The following SLC38A4 variants were observed in gnomAD, a reference collection of about 807,000 sequenced individuals.
SLC38A4 encodes the protein sodium-coupled neutral amino acid transporter 4.
In SLC38A4, 20 loss-of-function variants were observed where a neutral mutation model predicts 63.1. The observed-to-expected ratio is 0.32, with a 90% CI of 0.22 to 0.46. The LOEUF (loss-of-function observed/expected upper bound fraction) is 0.46. Among genes scored for constraint, SLC38A4 ranks in the 20% least tolerant of loss-of-function variants. The pLI is 1.00. For missense variants in SLC38A4, 526 were observed against 663.6 expected, an observed-to-expected ratio of 0.79 and a Z score of 2.28; for synonymous variants, 230 against 225.5, an observed-to-expected ratio of 1.02 and a Z score of -0.18.
chr12:46,813,073 GTC>G (rs1171402844), intron 1 of SLC38A4, among the ~76,000 whole-genome samples: 9 of 151,836 alleles, frequency 5.9e-5, no homozygotes, highest in Admixed American at 2.0e-4. Flanking sequence ...TGACATCAGT[GTC>G]TCTATGTCTT....
Position 46,784,528 on chromosome 12 carries a change from G to T in SLC38A4, c.493+14C>A. On this transcript the variant is annotated intron_variant, in intron 7 of 16. Coordinates refer to ENST00000266579, the MANE Select transcript of SLC38A4 (RefSeq NM_018018.5). ...GAAAGTTTATGGGATCCATTGAAAA[G>T]TATATCCCCTTACCTCCAATGTTCT... 5.0e-6 allele frequency: 8 copies of T among 1,601,898 alleles called. No individual in the cohort carries two copies. Among genetic ancestry groups the T allele is most frequent in the Non-Finnish European group, 6.8e-6 (8 of 1,171,718 alleles).
At position 46,778,610 on chromosome 12, in the gene SLC38A4, G is replaced by A. The variant is rs373632992; in HGVS notation, c.884C>T (p.Ala295Val). Residue 295 changes from alanine (A) to valine (V), a missense_variant, in exon 11 of 17, where the codon GCA (alanine) becomes GTA (valine). Coordinates refer to ENST00000266579, the MANE Select transcript of SLC38A4 (RefSeq NM_018018.5). ...CTTGGCCTGGTTCTCATCCAGCCCT[G>A]CAGGATTGCGGTGGGTGTAATCCAT... ...FMMDYTHRNPAGLDENQAKGS... is the reference protein window; with the variant it reads ...FMMDYTHRNPVGLDENQAKGS... 4.3e-6 allele frequency: 7 copies of A among 1,613,104 alleles called. No homozygotes were observed. Among genetic ancestry groups the A allele is most frequent in the Admixed American group, 1.7e-5 (1 of 59,862 alleles).
chr12:46,823,217 G>T (rs990151896), intron 1 of SLC38A4, among the ~76,000 whole-genome samples: 11 of 152,066 alleles, frequency 7.2e-5, no homozygotes, highest in Admixed American at 6.5e-4. Flanking sequence ...AATTCAGTGG[G>T]TCTTTTGTTT....
At chr12:46,784,235 A>G (rs559198456) in intron 7 of SLC38A4, among the ~76,000 whole-genome samples, 1 of 152,226 alleles carries the variant, frequency 6.6e-6, no homozygotes, top group African/African-American at 2.4e-5. Flanking sequence ...TATAAGCACA[A>G]ATTCTTCAAT....
At chr12:46,768,181 G>C in intron 16 of SLC38A4, 129 bp downstream of exon 16, 1 of 612,366 alleles carries the variant, frequency 1.6e-6, no homozygotes, top group Non-Finnish European at 2.8e-6. Flanking sequence ...CTACCAGAAA[G>C]TTCTAGCCCA....
chr12:46,793,081 C>A lies in SLC38A4; in HGVS notation c.-10G>T. On this transcript the variant is annotated 5_prime_UTR_variant, in exon 3 of 17. Coordinates refer to ENST00000266579, the MANE Select transcript of SLC38A4 (RefSeq NM_018018.5). Reference sequence around the variant, plus strand: ...GTTCCATGGGATCCATTTGAGCTGTCAGCGCTTTCTTGTCCACACACAAGC... The same window carrying A: ...GTTCCATGGGATCCATTTGAGCTGTAAGCGCTTTCTTGTCCACACACAAGC... 1 of 1,602,168 alleles carries A rather than the reference C, an allele frequency of 6.2e-7. No homozygotes were observed. Among genetic ancestry groups the A allele is most frequent in the South Asian group, 1.1e-5 (1 of 90,850 alleles).
At chr12:46,821,054 T>G (rs943370025) in intron 1 of SLC38A4, among the ~76,000 whole-genome samples, 9 of 152,066 alleles carry the variant, frequency 5.9e-5, no homozygotes, top group African/African-American at 2.2e-4. Flanking sequence ...TTATATATTT[T>G]GGATATTAAT....
chr12:46,776,262 C>G (rs1938522842), intron 13 of SLC38A4, among the ~76,000 whole-genome samples: 1 of 152,010 alleles, frequency 6.6e-6, no homozygotes, highest in Admixed American at 6.6e-5. Context: ...GGAGTACAAT[C>G]CTACTCCCTT....
In SLC38A4 at chr12:46,793,047, C is replaced by T. The variant is rs767861741; in HGVS notation, c.25G>A (p.Val9Ile). Reference sequence around the variant, plus strand: ...CTCTCATCATCTGGTTCGATGTTGACATTTCTCAGTTCCATGGGATCCATT... The same window carrying T: ...CTCTCATCATCTGGTTCGATGTTGATATTTCTCAGTTCCATGGGATCCATT... MDPMELRN[V>I]NIEPDDESSS... The change falls in exon 3 of 17, where the codon GTC (valine) becomes ATC (isoleucine). Residue 9 changes from valine to isoleucine, a missense_variant. Coordinates refer to ENST00000266579, the MANE Select transcript of SLC38A4 (RefSeq NM_018018.5). The T allele has an allele frequency of 8.1e-6, 13 of 1,612,910 alleles. No homozygotes were observed. In the South Asian group the frequency reaches 9.9e-5, roughly 12 times the overall value.
rs145158917 is a variant in SLC38A4 at position 46,766,599 on chromosome 12, G to C, written c.*102C>G. 5 of 870,276 alleles carry C rather than the reference G, an allele frequency of 5.7e-6. No individual in the cohort carries two copies. Among genetic ancestry groups the C allele is most frequent in the African/African-American group, 5.0e-5 (3 of 59,972 alleles). The allele number at this position is 870,276 out of a possible 1,614,324, so 53.9% of individuals were successfully genotyped here. On this transcript the variant is annotated 3_prime_UTR_variant, in exon 17 of 17. Coordinates refer to ENST00000266579, the MANE Select transcript of SLC38A4 (RefSeq NM_018018.5). ...TGGTAAACGTCTTTGGAATCTTCCT[G>C]TTATTTCCTATGAATAACATTCCAA...
upstream of SLC38A4, among the ~76,000 whole-genome samples, chr12:46,827,290 A>C (rs1385076017): frequency 6.6e-6 from 1 of 152,172 alleles, no homozygotes; most frequent in Non-Finnish European, 1.5e-5. Context: ...TCGTATGGAC[A>C]TTTGCTAACA....
At chr12:46,813,836 G>A (rs918391584) in intron 1 of SLC38A4, among the ~76,000 whole-genome samples, 1 of 152,038 alleles carries the variant, frequency 6.6e-6, no homozygotes, top group Middle Eastern at 3.2e-3. Context: ...GTGCTGTTAT[G>A]AGGATTAAGT....
intron 7 of SLC38A4, among the ~76,000 whole-genome samples, chr12:46,783,260 G>C (rs557083933): frequency 6.6e-6 from 1 of 150,462 alleles, no homozygotes; most frequent in Non-Finnish European, 1.5e-5. Context: ...TAGATAGATA[G>C]ATAGATAGAT....
At chr12:46,786,822 G>A (rs1938771451) in intron 5 of SLC38A4, among the ~76,000 whole-genome samples, 1 of 152,152 alleles carries the variant, frequency 6.6e-6, no homozygotes, top group Admixed American at 6.6e-5. Flanking sequence ...TCAAATAGCT[G>A]TGTGATTACT....
At chr12:46,802,678 C>T (rs2429471) in intron 2 of SLC38A4, among the ~76,000 whole-genome samples, 142,065 of 151,992 alleles carry the variant, frequency 0.93, 66,731 homozygotes, top group African/African-American at 0.97. Context: ...ATTAAAAACA[C>T]ACCCAAATTT....
chr12:46,822,225 C>A (rs1939564414), intron 1 of SLC38A4, among the ~76,000 whole-genome samples: 2 of 152,034 alleles, frequency 1.3e-5, no homozygotes, highest in Admixed American at 6.6e-5. Flanking sequence ...AATCACTTAA[C>A]AAAGGGTAAT....
intron 1 of SLC38A4, among the ~76,000 whole-genome samples, chr12:46,819,651 A>AAGATGTGAG (rs1939503449): frequency 6.6e-6 from 1 of 151,854 alleles, no homozygotes; most frequent in Non-Finnish European, 1.5e-5. Context: ...CAGAGGAGAA[A>AAGATGTGAG]AGATGTGAGT....
rs957978298 is a variant in SLC38A4, at chr12:46,765,537, A to G, written c.*1164T>C. The G allele has an allele frequency of 1.1e-5, 3 of 261,366 alleles. No homozygotes were observed. The highest frequency in any genetic ancestry group is 1.5e-4 in the East Asian group (1 of 6,478). The allele number at this position is 261,366 out of a possible 1,614,324, so 16.2% of individuals were successfully genotyped here. A position where few individuals can be genotyped will look rare whatever the true frequency, so the allele number is the denominator to read the frequency against. On this transcript the variant is annotated 3_prime_UTR_variant, in exon 17 of 17. Transcript: ENST00000266579. ...TATTGAAGAAGAGCATTGCCAAACT[A>G]TATATAACTTAGGTTTCAAATTTAA...
At position 46,765,685 on chromosome 12, in the gene SLC38A4, G is replaced by A. The variant is rs1355644043; in HGVS notation, c.*1016C>T. 1.1e-5 allele frequency: 2 copies of A among 181,152 alleles called. No individual in the cohort carries two copies. Among genetic ancestry groups the A allele is most frequent in the South Asian group, 9.2e-5 (1 of 10,828 alleles). The allele number at this position is 181,152 out of a possible 1,614,324, so 11.2% of individuals were successfully genotyped here. On this transcript the variant is annotated 3_prime_UTR_variant, in exon 17 of 17. Transcript: ENST00000266579. ...ACTGTGAAGAAAGAAAACTACACATGTAAAAAATAAAAATCAAATGTACCT... is the reference window on the plus strand; with the variant it reads ...ACTGTGAAGAAAGAAAACTACACATATAAAAAATAAAAATCAAATGTACCT...
Sources: gnomAD v4.1 joint callset for allele counts (sites outside exome capture counted in the v4.1 genomes callset) on GRCh38, gnomAD v4.1.1 for gene constraint, MANE v1.5 for transcripts, NCBI Gene and HGNC (gene_info 2026-07-23, HGNC 2026-07-21) for gene names.